GPC6: variants seen among roughly 807,000 people sequenced by gnomAD.
The protein encoded by GPC6 is glypican-6.
Under a neutral mutation model 55.2 loss-of-function variants are expected in GPC6, and 14 were observed. The ratio of observed to expected loss-of-function variants is 0.25; its 90% CI spans 0.17 to 0.40. The LOEUF (loss-of-function observed/expected upper bound fraction) is 0.40, where lower values mean the gene tolerates loss of function less well. Among genes scored for constraint, GPC6 ranks in the 10% least tolerant of loss-of-function variants. The pLI is 1.00. For missense variants in GPC6, 641 were observed against 708.5 expected, an observed-to-expected ratio of 0.90 and a Z score of 1.08; for synonymous variants, 278 against 259.6, an observed-to-expected ratio of 1.07 and a Z score of -0.68.
At chr13:93,271,578 G>A (rs1466284832) in intron 1 of GPC6, among the ~76,000 whole-genome samples, 1 of 152,064 alleles carries the variant, frequency 6.6e-6, no homozygotes, top group African/African-American at 2.4e-5. Context: ...TGACTGGAAA[G>A]GGACTGTATA....
chr13:93,916,654 G>C (rs948615551), intron 3 of GPC6, among the ~76,000 whole-genome samples: 3 of 152,030 alleles, frequency 2.0e-5, no homozygotes, highest in Admixed American at 6.5e-5. Flanking sequence ...GCAAAAACTA[G>C]AAGAGGTGCC....
chr13:94,034,968 A>T (rs1407268804), intron 4 of GPC6, among the ~76,000 whole-genome samples: 2 of 151,148 alleles, frequency 1.3e-5, no homozygotes, highest in Admixed American at 6.6e-5. Context: ...AGTACGACTT[A>T]TGCCTTATCA....
At chr13:93,851,619 G>A (rs1888230) in intron 3 of GPC6, among the ~76,000 whole-genome samples, 57,560 of 151,604 alleles carry the variant, frequency 0.38, 11,760 homozygotes, top group African/African-American at 0.54. Context: ...TATATCTCGG[G>A]AAGATTTGAA....
In GPC6 at chr13:94,305,415, A is replaced by G. The variant is rs540594041; in HGVS notation, c.1009-565A>G. ...TTTGTCTAACATACATATTTTTGCT[A>G]TAAGACACATTACACATCTTGTGGT... On this transcript the variant is annotated intron_variant, in intron 5 of 8. Coordinates refer to ENST00000377047, the MANE Select transcript of GPC6 (RefSeq NM_005708.5). Among the ~76,000 whole-genome samples the G allele has an allele frequency of 3.9e-5, 6 of 152,344 alleles. No individual in the cohort carries two copies. In the South Asian group the frequency reaches 1.0e-3, roughly 26 times the overall value.
chr13:93,600,215 TAC>T, intron 2 of GPC6, among the ~76,000 whole-genome samples: 1 of 152,302 alleles, frequency 6.6e-6, no homozygotes, highest in Non-Finnish European at 1.5e-5. Flanking sequence ...AGAAATAAAA[TAC>T]AGTTACTAAG....
At chr13:93,229,714 C>CT (rs79878029) in intron 1 of GPC6, among the ~76,000 whole-genome samples, 176 of 145,184 alleles carry the variant, frequency 1.2e-3, no homozygotes, top group East Asian at 5.8e-3. Context: ...AATGTGTGCA[C>CT]TTTTTTTTTT....
intron 1 of GPC6, among the ~76,000 whole-genome samples, chr13:93,509,040 A>G (rs1389964448): frequency 1.3e-5 from 2 of 152,210 alleles, no homozygotes; most frequent in African/African-American, 4.8e-5. Flanking sequence ...ATGGCAGAGC[A>G]AGCCTTCAGA....
intron 2 of GPC6, among the ~76,000 whole-genome samples, chr13:93,639,355 T>G (rs1879818728): frequency 6.6e-6 from 1 of 152,054 alleles, no homozygotes; most frequent in Non-Finnish European, 1.5e-5. Context: ...TTGGAGGAGT[T>G]GTATGAAATG....
At chr13:93,820,767 C>A (rs2138965052) in intron 2 of GPC6, among the ~76,000 whole-genome samples, 1 of 151,642 alleles carries the variant, frequency 6.6e-6, no homozygotes, top group South Asian at 2.1e-4. Flanking sequence ...CATTAGACTA[C>A]AGCCTTAGAA....
At chr13:93,521,001 A>T (rs577195549) in intron 1 of GPC6, among the ~76,000 whole-genome samples, 12 of 152,006 alleles carry the variant, frequency 7.9e-5, no homozygotes, top group African/African-American at 2.9e-4. Flanking sequence ...CATTTAAAAT[A>T]TAAGAACTTT....
chr13:94,323,874 C>T (rs1168392127), intron 6 of GPC6, among the ~76,000 whole-genome samples: 1 of 152,094 alleles, frequency 6.6e-6, no homozygotes, highest in Non-Finnish European at 1.5e-5. Flanking sequence ...ACACCCTTGC[C>T]CCAGCCCTAG....
At chr13:93,597,794 A>G (rs1369580630) in intron 2 of GPC6, among the ~76,000 whole-genome samples, 1 of 152,164 alleles carries the variant, frequency 6.6e-6, no homozygotes, top group African/African-American at 2.4e-5. Context: ...TGTTCGTCTT[A>G]TCAGTAAGGC....
chr13:93,942,674 A>G (rs370042446), intron 3 of GPC6, among the ~76,000 whole-genome samples: 24 of 152,234 alleles, frequency 1.6e-4, no homozygotes, highest in African/African-American at 5.3e-4. Flanking sequence ...CTGTTGCCAT[A>G]GTCTATTCAT....
chr13:93,683,629 C>A (rs754735691), intron 2 of GPC6, among the ~76,000 whole-genome samples: 6 of 152,048 alleles, frequency 3.9e-5, no homozygotes. Flanking sequence ...GCCTGAAGTA[C>A]AATTTATATT....
chr13:94,101,331 A>G, intron 4 of GPC6, among the ~76,000 whole-genome samples: 1 of 152,326 alleles, frequency 6.6e-6, no homozygotes, highest in African/African-American at 2.4e-5. Flanking sequence ...TATCAACAGC[A>G]GCCTTTCAGT....
intron 6 of GPC6, among the ~76,000 whole-genome samples, chr13:94,325,160 G>A (rs879633310): frequency 2.0e-5 from 3 of 151,698 alleles, no homozygotes; most frequent in Non-Finnish European, 4.4e-5. Flanking sequence ...GAGGAGGGAG[G>A]GAGGGAGAAA....
chr13:94,403,563 T>C lies in GPC6; in HGVS notation c.*346T>C, dbSNP rs1271527086. 3.5e-6 allele frequency: 1 copy of C among 284,552 alleles called. No homozygotes were observed. Among genetic ancestry groups the C allele is most frequent in the Non-Finnish European group, 6.8e-6 (1 of 147,448 alleles). The allele number at this position is 284,552 out of a possible 1,614,324, so 17.6% of individuals were successfully genotyped here. A position where few individuals can be genotyped will look rare whatever the true frequency, so the allele number is the denominator to read the frequency against. On this transcript the variant is annotated 3_prime_UTR_variant, in exon 9 of 9. Coordinates refer to ENST00000377047, the MANE Select transcript of GPC6 (RefSeq NM_005708.5). ...AGGGTTTTTTTTTTCTCATTTAAAA[T>C]AAAAAAGGAAGAAAGAAAATAATTT...
chr13:93,938,118 A>G (rs1878534624), intron 3 of GPC6, among the ~76,000 whole-genome samples: 1 of 152,202 alleles, frequency 6.6e-6, no homozygotes, highest in South Asian at 2.1e-4. Flanking sequence ...ATGCAAGTTT[A>G]TTCTAAATGC....
At chr13:94,030,153 C>A (rs1284333441) in intron 4 of GPC6, among the ~76,000 whole-genome samples, 1 of 152,060 alleles carries the variant, frequency 6.6e-6, no homozygotes, top group Non-Finnish European at 1.5e-5. Context: ...GGACTACAGG[C>A]GCCCGACACC....
Sources: gnomAD v4.1 joint callset for allele counts (sites outside exome capture counted in the v4.1 genomes callset) on GRCh38, gnomAD v4.1.1 for gene constraint, MANE v1.5 for transcripts, NCBI Gene and HGNC (gene_info 2026-07-23, HGNC 2026-07-21) for gene names.